Variants in TLE6 observed in about 807,000 individuals in gnomAD.
TLE6 encodes the protein transducin-like enhancer protein 6.
TLE6 carries 72 observed loss-of-function variants against 77.1 expected under a neutral mutation model. That is an observed-to-expected ratio of 0.93 (90% CI 0.77 to 1.14). TLE6 has a LOEUF of 1.14. Among genes scored for constraint, TLE6 ranks in the 50% most tolerant of loss-of-function variants. TLE6 has a pLI of 0.00. For missense variants in TLE6, 843 were observed against 747.6 expected, an observed-to-expected ratio of 1.13 and a Z score of -1.49; for synonymous variants, 366 against 287.3, an observed-to-expected ratio of 1.27 and a Z score of -2.77.
At chr19:2,994,837 A>G in intron 16 of TLE6, 63 bp from the exon 17 acceptor site, 1 of 906,540 alleles carries the variant, frequency 1.1e-6, no homozygotes, top group Non-Finnish European at 1.7e-6. Flanking sequence ...GCTTGAGCTG[A>G]CAGGTGGAGA....
chr19:2,992,184 A>C (rs418687), intron 14 of TLE6, among the ~76,000 whole-genome samples, 200 bp downstream of exon 14: 9,669 of 152,062 alleles, frequency 0.064, 713 homozygotes, highest in African/African-American at 0.18. Context: ...AAAAATACAA[A>C]AATCAGAGCT....
chr19:2,991,403 C>A (rs895113145), intron 13 of TLE6, among the ~76,000 whole-genome samples: 1 of 142,296 alleles, frequency 7.0e-6, no homozygotes. Context: ...TATACACACA[C>A]ACACACACAC....
chr19:2,986,803 C>T, intron 5 of TLE6, 26 bp from the exon 6 acceptor site: 1 of 1,550,514 alleles, frequency 6.4e-7, no homozygotes, highest in Non-Finnish European at 8.7e-7. Flanking sequence ...CAACATTTAA[C>T]TGTTTTGCTG....
At chr19:2,994,166 C>T in intron 16 of TLE6, 71 bp downstream of exon 16, 2 of 1,338,554 alleles carry the variant, frequency 1.5e-6, no homozygotes, top group African/African-American at 1.5e-5. Flanking sequence ...CACAGCAAGA[C>T]CCTGTCTCCA....
At chr19:2,984,699 C>A (rs78355830) in intron 5 of TLE6, among the ~76,000 whole-genome samples, 6 of 151,956 alleles carry the variant, frequency 3.9e-5, no homozygotes, top group African/African-American at 1.2e-4. Context: ...AACTTCTGAC[C>A]TCAGGTGATC....
At chr19:2,989,916 C>G in intron 13 of TLE6, 131 bp downstream of exon 13, 1 of 1,279,222 alleles carries the variant, frequency 7.8e-7, no homozygotes, top group South Asian at 1.4e-5. Flanking sequence ...ACTCTCCCAG[C>G]CAAAACCCCT....
At chr19:2,987,472 T>A (rs189647471) in intron 8 of TLE6, 100 bp downstream of exon 8, 1 of 1,536,686 alleles carries the variant, frequency 6.5e-7, no homozygotes, top group African/African-American at 1.4e-5. Flanking sequence ...GGATTTGTCT[T>A]CCTTCCATCC....
rs1025451862 is a variant in TLE6 at position 2,995,060 on chromosome 19, C to CT, written c.*56_*57insT. ...TCCTCTTTTCATCCCCCCCCTTCCC[C>CT]CCCCCCAACAAGGGGGACATGGTGG... On this transcript the variant is annotated 3_prime_UTR_variant, in exon 17 of 17. Coordinates refer to ENST00000246112, the MANE Select transcript of TLE6 (RefSeq NM_001143986.2). 5.8e-6 allele frequency: 6 copies of CT among 1,027,342 alleles called. No homozygotes were observed. The highest frequency in any genetic ancestry group is 1.6e-5 in the African/African-American group (1 of 63,260). 63.6% of individuals were successfully genotyped at this position (1,027,342 alleles called of 1,614,324 possible). A position where few individuals can be genotyped will look rare whatever the true frequency, so the allele number is the denominator to read the frequency against.
chr19:2,987,276 C>G, intron 7 of TLE6, 38 bp downstream of exon 7: 1 of 1,614,160 alleles, frequency 6.2e-7, no homozygotes, highest in Non-Finnish European at 8.5e-7. Context: ...GGGGCAGCCA[C>G]AGGCTGCGTC....
chr19:2,991,085 T>A (rs1054176783), intron 13 of TLE6, among the ~76,000 whole-genome samples: 1 of 151,200 alleles, frequency 6.6e-6, no homozygotes, highest in Non-Finnish European at 1.5e-5. Context: ...GTAAATAGGC[T>A]GGGCATGGTG....
At chr19:2,990,133 T>G (rs1285189123) in intron 13 of TLE6, among the ~76,000 whole-genome samples, 1 of 152,058 alleles carries the variant, frequency 6.6e-6, no homozygotes, top group Non-Finnish European at 1.5e-5. Flanking sequence ...GCCTGGTGCC[T>G]CAAACATGTA....
At chr19:2,993,787 G>A (rs890213469) in intron 15 of TLE6, among the ~76,000 whole-genome samples, 4 of 143,992 alleles carry the variant, frequency 2.8e-5, no homozygotes, top group African/African-American at 5.0e-5. Context: ...CCGCCCCACC[G>A]GCGCGGTCCG....
Position 2,987,116 on chromosome 19 carries a change from A to G in TLE6, c.419A>G (p.Asn140Ser), listed in dbSNP as rs750259777. 26 of 1,614,014 alleles carry G rather than the reference A, an allele frequency of 1.6e-5. No individual in the cohort carries two copies. Among genetic ancestry groups the G allele is most frequent in the African/African-American group, 8.0e-5 (6 of 74,944 alleles). Reference protein sequence around the residue: ...DWLRRPLGEDNQPETQLFWDK... With the variant: ...DWLRRPLGEDSQPETQLFWDK... ...CTCCGGCGGCCTTTGGGGGAGGACA[A>G]TCAGCCGGAGACCCAGCTGTTCTGG... Residue 140 changes from asparagine (N) to serine (S), a missense_variant, in exon 7 of 17, where the codon AAT becomes AGT. Physicochemically the swap from Asn to Ser is conservative, Grantham distance 46. Transcript: ENST00000246112.
In TLE6 at chr19:2,992,068, G is replaced by A. The variant is rs942571229; in HGVS notation, c.1386+84G>A. 2.6e-5 allele frequency: 40 copies of A among 1,527,158 alleles called. No homozygotes were observed. The South Asian group carries it at 4.5e-4, about 17-fold the overall frequency. 94.6% of individuals were successfully genotyped at this position (1,527,158 alleles called of 1,614,324 possible). On this transcript the variant is annotated intron_variant, in intron 14 of 16. Transcript: ENST00000246112. ...AATGAGGTTGAGGCCGGGCTCCGTG[G>A]CTCACGCCTATAATCCTAGCACTTT...
At chr19:2,992,161 C>A (rs541554354) in intron 14 of TLE6, among the ~76,000 whole-genome samples, 177 bp downstream of exon 14, 7 of 152,126 alleles carry the variant, frequency 4.6e-5, no homozygotes, top group African/African-American at 1.7e-4. Context: ...CATAGTGAAA[C>A]CCCATCTCCA....
At chr19:2,991,762 C>T (rs889254892) in intron 13 of TLE6, 81 bp from the exon 14 acceptor site, 23 of 1,433,236 alleles carry the variant, frequency 1.6e-5, no homozygotes, top group Non-Finnish European at 2.1e-5. Context: ...CCTTTCATGC[C>T]CAAATGTAGT....
At chr19:2,994,869 C>A in intron 16 of TLE6, 31 bp from the exon 17 acceptor site, 1 of 1,392,216 alleles carries the variant, frequency 7.2e-7, no homozygotes, top group Non-Finnish European at 1.0e-6. Context: ...TGAGCCCTAC[C>A]CCAGCTCACT....
Position 2,990,169 on chromosome 19 carries a change from C to T in TLE6, c.1244+384C>T, listed in dbSNP as rs193042336. Among the ~76,000 whole-genome samples, 226 of 151,824 alleles carry T rather than the reference C, an allele frequency of 1.5e-3. 1 individual carries two copies. Among genetic ancestry groups the T allele is most frequent in the African/African-American group, 5.0e-3 (207 of 41,366 alleles). On this transcript the variant is annotated intron_variant, in intron 13 of 16. Transcript: ENST00000246112. The stretch of plus-strand genomic sequence containing the variant: ...AACCCAGCACTTTGGGAGGTCAAGA[C>T]GGGACAAATGCTTAAGCCCAGGAAT...
At chr19:2,993,805 C>T (rs540981336) in intron 15 of TLE6, among the ~76,000 whole-genome samples, 3 of 152,044 alleles carry the variant, frequency 2.0e-5, no homozygotes, top group African/African-American at 7.2e-5. Context: ...CCGCCTCCGC[C>T]CTTCCCCCTT....
Sources: gnomAD v4.1 joint callset for allele counts (sites outside exome capture counted in the v4.1 genomes callset) on GRCh38, gnomAD v4.1.1 for gene constraint, MANE v1.5 for transcripts, NCBI Gene and HGNC (gene_info 2026-07-23, HGNC 2026-07-21) for gene names.